The following NRXN1 variants were observed in gnomAD, a reference collection of about 807,000 sequenced individuals.
NRXN1 encodes neurexin 1, also known as neurexin-1.
Under a neutral mutation model 150.9 loss-of-function variants are expected in NRXN1, and 39 were observed. The observed-to-expected ratio is 0.26, with a 90% confidence interval of 0.20 to 0.34. The LOEUF (loss-of-function observed/expected upper bound fraction) is 0.34. Ranked by LOEUF, NRXN1 falls within the 10% of genes least tolerant of loss-of-function variation. NRXN1 has a pLI of 1.00. For missense variants in NRXN1, 1,815 were observed against 1,949.9 expected, an observed-to-expected ratio of 0.93 and a Z score of 1.30; for synonymous variants, 924 against 757.0, an observed-to-expected ratio of 1.22 and a Z score of -3.62.
At chr2:50,476,139 A>G (rs2089969243) in intron 15 of NRXN1, among the ~76,000 whole-genome samples, 1 of 152,180 alleles carries the variant, frequency 6.6e-6, no homozygotes, top group Admixed American at 6.5e-5. Flanking sequence ...AAAGAAGTAG[A>G]GAACATGTAC....
chr2:50,476,138 G>A (rs2089969090), intron 15 of NRXN1, among the ~76,000 whole-genome samples: 1 of 152,110 alleles, frequency 6.6e-6, no homozygotes, highest in Admixed American at 6.6e-5. Context: ...AAAAGAAGTA[G>A]AGAACATGTA....
At chr2:50,444,102 T>G (rs2086194879) in intron 17 of NRXN1, among the ~76,000 whole-genome samples, 1 of 152,178 alleles carries the variant, frequency 6.6e-6, no homozygotes, top group Non-Finnish European at 1.5e-5. Flanking sequence ...AAGTGTGCTT[T>G]ATAAATTTCC....
chr2:50,507,612 TAA>T (rs1573313812), intron 12 of NRXN1, among the ~76,000 whole-genome samples: 1 of 112,410 alleles, frequency 8.9e-6, no homozygotes, highest in Non-Finnish European at 1.7e-5. Flanking sequence ...TTGAAATGAT[TAA>T]GTTAGACTAT....
At chr2:50,407,843 C>G (rs1489836848) in intron 17 of NRXN1, among the ~76,000 whole-genome samples, 2 of 152,030 alleles carry the variant, frequency 1.3e-5, no homozygotes, top group Non-Finnish European at 2.9e-5. Context: ...TATAAATTAC[C>G]CAGTTTCAAG....
intron 5 of NRXN1, among the ~76,000 whole-genome samples, chr2:50,712,762 C>T (rs560608009): frequency 6.6e-6 from 1 of 152,106 alleles, no homozygotes; most frequent in Non-Finnish European, 1.5e-5. Flanking sequence ...CTTTGTGTCC[C>T]TGTGTAACCT....
chr2:50,611,023 G>T (rs1217342567), intron 8 of NRXN1, among the ~76,000 whole-genome samples: 1 of 149,472 alleles, frequency 6.7e-6, no homozygotes, highest in East Asian at 2.0e-4. Flanking sequence ...TGGGACTACA[G>T]GCATGAGCCA....
chr2:50,887,523 G>C (rs1014566179), intron 5 of NRXN1, among the ~76,000 whole-genome samples: 6 of 151,326 alleles, frequency 4.0e-5, no homozygotes, highest in African/African-American at 1.5e-4. Context: ...TGAGAAAATG[G>C]CTCCAATCAT....
intron 8 of NRXN1, among the ~76,000 whole-genome samples, chr2:50,586,201 T>G (rs984105259): frequency 5.9e-5 from 9 of 152,292 alleles, no homozygotes; most frequent in Middle Eastern, 3.4e-3. Context: ...ACCCAGAACG[T>G]TCTTCCTCAA....
chr2:50,046,886 C>G (rs1691892959), intron 21 of NRXN1, among the ~76,000 whole-genome samples: 1 of 152,094 alleles, frequency 6.6e-6, no homozygotes, highest in South Asian at 2.1e-4. Context: ...TAGGCAATGC[C>G]TAAATAGATA....
intron 8 of NRXN1, among the ~76,000 whole-genome samples, chr2:50,571,393 G>A (rs1184239290): frequency 1.3e-5 from 2 of 152,144 alleles, no homozygotes; most frequent in Admixed American, 6.6e-5. Flanking sequence ...TAGACACAAT[G>A]AGGATGAAAA....
At chr2:50,688,706 T>C (rs1298749998) in intron 5 of NRXN1, among the ~76,000 whole-genome samples, 1 of 152,188 alleles carries the variant, frequency 6.6e-6, no homozygotes, top group Non-Finnish European at 1.5e-5. Context: ...GTTGTTTTTG[T>C]TTAAAGCCAA....
intron 17 of NRXN1, among the ~76,000 whole-genome samples, chr2:50,425,046 A>T (rs1003017987): frequency 7.2e-5 from 11 of 152,200 alleles, no homozygotes; most frequent in Non-Finnish European, 1.5e-4. Context: ...GTGCAGTGAA[A>T]CAGGTTGTAA....
At chr2:50,621,146 A>G (rs1349684644) in intron 7 of NRXN1, 80 bp downstream of exon 7, 1 of 1,286,284 alleles carries the variant, frequency 7.8e-7, no homozygotes, top group African/African-American at 1.5e-5. Flanking sequence ...CTACAGTTAA[A>G]AGAAAGAAAG....
chr2:50,072,508 C>T (rs1415611525), intron 19 of NRXN1, among the ~76,000 whole-genome samples: 12 of 142,500 alleles, frequency 8.4e-5, no homozygotes, highest in African/African-American at 3.2e-4. Flanking sequence ...AATTTTTATC[C>T]TTAGGAACTG....
chr2:49,949,730 T>C (rs1271766557), intron 21 of NRXN1, among the ~76,000 whole-genome samples: 1 of 151,892 alleles, frequency 6.6e-6, no homozygotes, highest in Non-Finnish European at 1.5e-5. Flanking sequence ...GACAATGACA[T>C]GAGCATTGTA....
chr2:50,388,413 C>A lies in NRXN1; in HGVS notation c.3364+77029G>T, dbSNP rs76920645. Among the ~76,000 whole-genome samples the A allele has an allele frequency of 4.8e-3, 735 of 152,180 alleles. 4 individuals are homozygous for A. Among genetic ancestry groups the A allele is most frequent in the African/African-American group, 0.017 (700 of 41,536 alleles). ...ATTCTGTGGAGGACTTGCCTTAGCT[C>A]GGGCAACACTGAGAATCCAGTACAT... On this transcript the variant is annotated intron_variant, in intron 17 of 22. Coordinates refer to ENST00000401669, the MANE Select transcript of NRXN1 (RefSeq NM_001330078.2).
intron 15 of NRXN1, among the ~76,000 whole-genome samples, chr2:50,479,683 A>G (rs1223088308): frequency 6.9e-6 from 1 of 145,430 alleles, no homozygotes; most frequent in African/African-American, 2.6e-5. Context: ...CAGCACTCAT[A>G]TTTGTCCCTG....
chr2:50,303,667 C>T (rs1165582342), intron 17 of NRXN1, among the ~76,000 whole-genome samples: 2 of 152,060 alleles, frequency 1.3e-5, no homozygotes, highest in African/African-American at 2.4e-5. Context: ...GCAGAATACA[C>T]CACAAAAAAT....
intron 5 of NRXN1, among the ~76,000 whole-genome samples, chr2:50,674,049 T>G (rs1324395438): frequency 6.6e-6 from 1 of 152,078 alleles, no homozygotes; most frequent in African/African-American, 2.4e-5. Flanking sequence ...TATACCTATG[T>G]AACAAACCTG....
Sources: gnomAD v4.1 joint callset for allele counts (sites outside exome capture counted in the v4.1 genomes callset) on GRCh38, gnomAD v4.1.1 for gene constraint, MANE v1.5 for transcripts, NCBI Gene and HGNC (gene_info 2026-07-23, HGNC 2026-07-21) for gene names.